Variants in DISP1 observed in about 807,000 individuals in gnomAD.
DISP1 encodes the protein dispatched RND transporter family member 1, also known as protein dispatched homolog 1.
Under a neutral mutation model 37.3 loss-of-function variants are expected in DISP1, and 30 were observed. That is an observed-to-expected ratio of 0.80 (90% CI 0.60 to 1.09). The LOEUF (loss-of-function observed/expected upper bound fraction) is 1.09, where lower values mean the gene tolerates loss of function less well. Ranked by LOEUF, DISP1 falls within the 50% of genes least tolerant of loss-of-function variation. The pLI, the probability that DISP1 is intolerant of heterozygous loss-of-function variation, is 0.00. For missense variants in DISP1, 1,598 were observed against 1,879.5 expected (o/e 0.85, Z 2.77); for synonymous variants, 634 against 690.2 (o/e 0.92, Z 1.28).
chr1:223,001,395 T>C (rs1021654857), intron 8 of DISP1, among the ~76,000 whole-genome samples: 7 of 152,350 alleles, frequency 4.6e-5, no homozygotes, highest in African/African-American at 1.7e-4. Context: ...ATATCAATCA[T>C]ATTTTAATCC....
At chr1:222,890,305 G>A (rs538215007) in intron 1 of DISP1, among the ~76,000 whole-genome samples, 37 of 152,240 alleles carry the variant, frequency 2.4e-4, no homozygotes, top group Admixed American at 4.6e-4. Context: ...TTTGTGGAGG[G>A]AGAAATAAGT....
chr1:222,999,486 AAGTT>A (rs71796562), intron 8 of DISP1, among the ~76,000 whole-genome samples: 2,356 of 152,262 alleles, frequency 0.015, 57 homozygotes, highest in African/African-American at 0.053. Flanking sequence ...ACACATGACT[AAGTT>A]AGTGCCATTG....
chr1:222,915,233 A>G (rs1672430864), intron 1 of DISP1, among the ~76,000 whole-genome samples: 1 of 152,194 alleles, frequency 6.6e-6, no homozygotes, highest in Non-Finnish European at 1.5e-5. Flanking sequence ...ATGCAAGATT[A>G]GGGATTATTT....
intron 3 of DISP1, among the ~76,000 whole-genome samples, chr1:222,981,094 T>G (rs1677800350): frequency 6.6e-6 from 1 of 152,214 alleles, no homozygotes; most frequent in South Asian, 2.1e-4. Flanking sequence ...AAAAATGACT[T>G]CTCTTATGCT....
rs539816731 is a variant in DISP1, at chr1:223,002,913, T to C, written c.1516T>C (p.Tyr506His). The change falls in exon 9 of 9, where the codon TAT becomes CAT. Residue 506 changes from tyrosine (Y) to histidine (H), a missense_variant. By Grantham distance (83) the Tyr-to-His change is moderately conservative. Transcript: ENST00000675850. The stretch of plus-strand genomic sequence containing the variant: ...GGATTATCTTCTAATGGATACTGTG[T>C]ATCCTGCCATAGCCATTGTGATTGT... ...FQDYLLMDTV[Y>H]PAIAIVIVLL... 11 of 1,614,018 alleles carry C rather than the reference T, an allele frequency of 6.8e-6. No individual in the cohort carries two copies. The South Asian group carries it at 9.9e-5, about 14-fold the overall frequency.
intron 1 of DISP1, among the ~76,000 whole-genome samples, chr1:222,894,322 C>G (rs1305039110): frequency 6.6e-6 from 1 of 152,178 alleles, no homozygotes; most frequent in African/African-American, 2.4e-5. Context: ...CCATCGCGCC[C>G]AGGCTGTTCC....
At chr1:222,837,053 A>G (rs1667239065) in intron 1 of DISP1, 2 of 398,546 alleles carry the variant, frequency 5.0e-6, no homozygotes, top group African/African-American at 2.1e-5. Context: ...CACAAGTGCA[A>G]CTGTATTTCC....
At chr1:222,903,087 G>C (rs1671689665) in intron 1 of DISP1, among the ~76,000 whole-genome samples, 1 of 151,692 alleles carries the variant, frequency 6.6e-6, no homozygotes, top group African/African-American at 2.4e-5. Context: ...TTAAGAAAAT[G>C]TGGCACATAT....
In DISP1 at chr1:222,943,215, A is replaced by T; in HGVS notation, c.392A>T (p.His131Leu). The change falls in exon 3 of 9, where the codon CAT (histidine) becomes CTT (leucine). Residue 131 changes from histidine (H) to leucine (L), a missense_variant. Transcript: ENST00000675850. ...TATTCTGCATCTCTTTGTCCAAATC[A>T]TTCACCTGTGTATCAGACTACGTGC... Reference protein sequence around the residue: ...SEYSASLCPNHSPVYQTTCCL... With the variant: ...SEYSASLCPNLSPVYQTTCCL... 1 of 1,610,438 alleles carries T rather than the reference A, an allele frequency of 6.2e-7. No individual in the cohort carries two copies. The highest frequency in any genetic ancestry group is 1.7e-5 in the Admixed American group (1 of 59,960).
chr1:222,877,540 G>A (rs1447678839), intron 1 of DISP1, among the ~76,000 whole-genome samples: 2 of 152,194 alleles, frequency 1.3e-5, no homozygotes, highest in African/African-American at 4.8e-5. Context: ...TGAGATTTGG[G>A]TGGGGACACA....
intron 4 of DISP1, among the ~76,000 whole-genome samples, chr1:222,986,135 G>A (rs954007110): frequency 3.3e-5 from 5 of 152,134 alleles, no homozygotes; most frequent in African/African-American, 1.2e-4. Flanking sequence ...GGGCAGTTCA[G>A]AAAAGTCATG....
chr1:222,876,684 A>G (rs1290392525), intron 1 of DISP1, among the ~76,000 whole-genome samples: 7 of 152,220 alleles, frequency 4.6e-5, no homozygotes, highest in Non-Finnish European at 1.0e-4. Flanking sequence ...TATTTGTACA[A>G]AGTTGGAAGA....
chr1:222,942,114 A>AG (rs1395603224), intron 2 of DISP1, among the ~76,000 whole-genome samples: 7 of 148,326 alleles, frequency 4.7e-5, no homozygotes, highest in African/African-American at 1.7e-4. Flanking sequence ...AAAAAAAGTA[A>AG]GAAAAAAAAC....
intron 1 of DISP1, among the ~76,000 whole-genome samples, chr1:222,911,219 C>G (rs1366055766): frequency 6.6e-6 from 1 of 151,990 alleles, no homozygotes; most frequent in Non-Finnish European, 1.5e-5. Context: ...TTGCTTTGTT[C>G]CTTGGTTGAT....
At chr1:222,892,210 A>C (rs1423433988) in intron 1 of DISP1, among the ~76,000 whole-genome samples, 1 of 152,174 alleles carries the variant, frequency 6.6e-6, no homozygotes, top group African/African-American at 2.4e-5. Flanking sequence ...TTACTGATTA[A>C]ATTCATGGAC....
At chr1:222,837,930 A>G (rs527823931) in intron 1 of DISP1, among the ~76,000 whole-genome samples, 1 of 152,316 alleles carries the variant, frequency 6.6e-6, no homozygotes, top group South Asian at 2.1e-4. Flanking sequence ...AATGCATATA[A>G]TGAAAAACAT....
intron 1 of DISP1, among the ~76,000 whole-genome samples, chr1:222,874,034 A>G (rs1484437710): frequency 4.6e-5 from 7 of 151,944 alleles, no homozygotes; most frequent in South Asian, 2.1e-4. Context: ...CACTTATGAA[A>G]CTTAGTTTGG....
At chr1:222,956,914 G>GAAA (rs1189743200) in intron 3 of DISP1, among the ~76,000 whole-genome samples, 1 of 152,082 alleles carries the variant, frequency 6.6e-6, no homozygotes, top group East Asian at 1.9e-4. Context: ...AGTCTGGCAT[G>GAAA]AAAAGGCTTG....
rs952023183 is a variant in DISP1 at position 223,005,451 on chromosome 1, C to T, written c.4054C>T (p.Pro1352Ser). 7.4e-6 allele frequency: 12 copies of T among 1,613,448 alleles called. No individual in the cohort carries two copies. Among genetic ancestry groups the T allele is most frequent in the African/African-American group, 1.3e-5 (1 of 74,876 alleles). Residue 1352 changes from proline (P) to serine (S), a missense_variant, in exon 9 of 9, where the codon CCT becomes TCT. Pro to Ser is a moderately conservative substitution (Grantham distance 74). Coordinates refer to ENST00000675850, the MANE Select transcript of DISP1 (RefSeq NM_001377229.1). ...VKPAGMQNSL[P>S]RNFFLHPVQH... ...GCCAGCCGGAATGCAGAATTCTCTG[C>T]CTAGGAATTTTTTCCTCCACCCAGT...
Sources: gnomAD v4.1 joint callset for allele counts (sites outside exome capture counted in the v4.1 genomes callset) on GRCh38, gnomAD v4.1.1 for gene constraint, MANE v1.5 for transcripts, NCBI Gene and HGNC (gene_info 2026-07-23, HGNC 2026-07-21) for gene names.